The following RBCK1 variants were observed in gnomAD, a reference collection of about 807,000 sequenced individuals.
RBCK1 encodes ranBP-type and C3HC4-type zinc finger-containing protein 1.
RBCK1 carries 44 observed loss-of-function variants against 71.1 expected under a neutral mutation model. The ratio of observed to expected loss-of-function variants is 0.62; its 90% CI spans 0.49 to 0.80. RBCK1 has a LOEUF of 0.80. Among genes scored for constraint, RBCK1 ranks in the 30% least tolerant of loss-of-function variants. The probability of loss-of-function intolerance (pLI) is 0.00; values close to 1 mark genes in which losing one functional copy is unlikely to be tolerated. For synonymous variants in RBCK1, 306 were observed against 279.7 expected (o/e 1.09, Z -0.94); for missense variants, 569 against 685.0 (o/e 0.83, Z 1.89).
At position 430,227 on chromosome 20, in the gene RBCK1, G is replaced by T; in HGVS notation, c.1453-123G>T. The T allele has an allele frequency of 1.2e-6, 1 of 818,644 alleles. No homozygotes were observed. Among genetic ancestry groups the T allele is most frequent in the South Asian group, 1.6e-5 (1 of 63,118 alleles). 50.7% of individuals were successfully genotyped at this position (818,644 alleles called of 1,614,324 possible). A position where few individuals can be genotyped will look rare whatever the true frequency, so the allele number is the denominator to read the frequency against. On this transcript the variant is annotated intron_variant, in intron 11 of 11. Transcript: ENST00000356286. This position sits in a 1 kb window ranked among gnomAD's most constrained non-coding sequence, Gnocchi z 5.6. The stretch of plus-strand genomic sequence containing the variant: ...AGTGACTCTCCATCAGGTAGCTGAG[G>T]CTGACCAGGCCATTCTTGCAGGAGG...
In RBCK1 at chr20:415,193, T is replaced by C. The variant is rs138806187; in HGVS notation, c.168-2333T>C. 3.2e-3 allele frequency among the ~76,000 whole-genome samples: 480 copies of C among 152,116 alleles called. 1 individual carries two copies. The highest frequency in any genetic ancestry group is 0.024 in the Middle Eastern group (7 of 294). ...GAGTTCAAAACCAGCCTGGGCAACA[T>C]AGTGAAACCTTGTCTCTACAAAACA... On this transcript the variant is annotated intron_variant, in intron 2 of 11. Transcript: ENST00000356286.
intron 8 of RBCK1, among the ~76,000 whole-genome samples, chr20:423,097 C>A (rs183756924): frequency 5.9e-5 from 9 of 152,246 alleles, no homozygotes; most frequent in African/African-American, 2.2e-4. Context: ...GTCGGGAATT[C>A]GAGATCAGCC....
chr20:430,348 AG>A lies in RBCK1; in HGVS notation c.1454del. On this transcript the variant is annotated splice_acceptor_variant, in intron 11 of 11. Transcript: ENST00000356286. LOFTEE classifies it high-confidence loss of function. The surrounding 1 kb of genome is among the most constrained non-coding windows in gnomAD (Gnocchi z 5.6). ...TTCTCTTCTCTTCCTCCCATCCTCTAGGGCCCAGGAGACACCAGCGGGGGCT... is the reference window on the plus strand; with the variant it reads ...TTCTCTTCTCTTCCTCCCATCCTCTAGGCCCAGGAGACACCAGCGGGGGCT... 1.2e-6 allele frequency: 2 copies of A among 1,606,004 alleles called. No individual in the cohort carries two copies. The highest frequency in any genetic ancestry group is 1.7e-6 in the Non-Finnish European group (2 of 1,172,770).
chr20:419,399 C>G lies in RBCK1; in HGVS notation c.513C>G (p.Gly171=), dbSNP rs777854248. ...AGCCGCGGGGCCCTCTGGAGCCAGGCCCCCCAAAGCCCGGGGTCCCCCAGG... is the reference window on the plus strand; with the variant it reads ...AGCCGCGGGGCCCTCTGGAGCCAGGGCCCCCAAAGCCCGGGGTCCCCCAGG... ...TLQPRGPLEP[G]PPKPGVPQEP... is the part of the protein sequence containing the mutation. The change falls in exon 5 of 12, where the codon GGC becomes GGG. Residue 171 remains glycine (G), a synonymous_variant. Coordinates refer to ENST00000356286, the MANE Select transcript of RBCK1 (RefSeq NM_031229.4). 1.9e-5 allele frequency: 30 copies of G among 1,611,544 alleles called. No homozygotes were observed. Among genetic ancestry groups the G allele is most frequent in the Middle Eastern group, 1.7e-4 (1 of 5,898 alleles).
At chr20:415,950 C>T (rs1422937125) in intron 2 of RBCK1, among the ~76,000 whole-genome samples, 2 of 152,170 alleles carry the variant, frequency 1.3e-5, no homozygotes, top group African/African-American at 4.8e-5. Context: ...GAAGTCACTA[C>T]AGTGAGCGCA....
chr20:411,410 C>A (rs913863706), intron 2 of RBCK1, among the ~76,000 whole-genome samples: 1 of 152,032 alleles, frequency 6.6e-6, no homozygotes, highest in Non-Finnish European at 1.5e-5. Context: ...CTCTGTCCCC[C>A]AGGCTGGAGT....
At chr20:421,229 G>C (rs1378319974) in intron 7 of RBCK1, among the ~76,000 whole-genome samples, 198 bp downstream of exon 7, 5 of 152,174 alleles carry the variant, frequency 3.3e-5, no homozygotes, top group African/African-American at 9.6e-5. Context: ...CCAGGCCCAC[G>C]GCTCATGAGA....
chr20:430,484 G>A lies in RBCK1; in HGVS notation c.*54G>A, dbSNP rs140794028. 1,039 of 1,535,012 alleles carry A rather than the reference G, an allele frequency of 6.8e-4. 3 individuals carry two copies. The highest frequency in any genetic ancestry group is 8.5e-4 in the Non-Finnish European group (947 of 1,108,846). ...CCAGCCCCACATCCACATTCTGTTA[G>A]AATGTAGCTCAGGGAGCTTCGTGGA... On this transcript the variant is annotated 3_prime_UTR_variant, in exon 12 of 12. Coordinates refer to ENST00000356286, the MANE Select transcript of RBCK1 (RefSeq NM_031229.4). This position sits in a 1 kb window ranked among gnomAD's most constrained non-coding sequence, Gnocchi z 5.6.
At chr20:427,274 T>C (rs1370231259) in intron 8 of RBCK1, 39 bp from the exon 9 acceptor site, 1 of 1,604,932 alleles carries the variant, frequency 6.2e-7, no homozygotes, top group Admixed American at 1.7e-5. Flanking sequence ...ATGTCAGGTG[T>C]TCTGAATCCT....
Position 430,374 on chromosome 20 carries a change from T to TGCC in RBCK1, c.1480_1482dup (p.Arg494dup), listed in dbSNP as rs1295060487. 1 of 1,613,054 alleles carries TGCC rather than the reference T, an allele frequency of 6.2e-7. No homozygotes were observed. The highest frequency in any genetic ancestry group is 1.7e-5 in the Admixed American group (1 of 60,034). ...GGGCCCAGGAGACACCAGCGGGGGCTGCCGCTGCAGGGTAAATGGGATTCC... is the reference window on the plus strand; with the variant it reads ...GGGCCCAGGAGACACCAGCGGGGGCTGCCGCCGCTGCAGGGTAAATGGGATTCC... On this transcript the variant is annotated inframe_insertion, in exon 12 of 12. Transcript: ENST00000356286. The surrounding 1 kb of genome is among the most constrained non-coding windows in gnomAD (Gnocchi z 5.6).
Position 429,104 on chromosome 20 carries a change from T to C in RBCK1, c.1452+10T>C, listed in dbSNP as rs1262609549. ...ACGCTGGGGCCCTGGGGTGAGTCTTTGCTCGTGGTGGTGTGGAGAGGGTGC... is the reference window on the plus strand; with the variant it reads ...ACGCTGGGGCCCTGGGGTGAGTCTTCGCTCGTGGTGGTGTGGAGAGGGTGC... On this transcript the variant is annotated intron_variant, in intron 11 of 11. Coordinates refer to ENST00000356286, the MANE Select transcript of RBCK1 (RefSeq NM_031229.4). 1.2e-6 allele frequency: 2 copies of C among 1,607,210 alleles called. No homozygotes were observed. Among genetic ancestry groups the C allele is most frequent in the South Asian group, 2.2e-5 (2 of 90,462 alleles).
intron 4 of RBCK1, 98 bp from the exon 5 acceptor site, chr20:419,248 AG>A: frequency 6.6e-7 from 1 of 1,507,324 alleles, no homozygotes; most frequent in Non-Finnish European, 9.0e-7. Flanking sequence ...GGGAGAGGAT[AG>A]GGGGAGGGTC....
In RBCK1 at chr20:422,036, C is replaced by A; in HGVS notation, c.918-91C>A. The A allele has an allele frequency of 1.1e-6, 1 of 952,054 alleles. No individual in the cohort carries two copies. Among genetic ancestry groups the A allele is most frequent in the Non-Finnish European group, 1.6e-6 (1 of 615,598 alleles). The allele number at this position is 952,054 out of a possible 1,614,324, so 59.0% of individuals were successfully genotyped here. On this transcript the variant is annotated intron_variant, in intron 7 of 11. Coordinates refer to ENST00000356286, the MANE Select transcript of RBCK1 (RefSeq NM_031229.4). The surrounding 1 kb of genome is among the most constrained non-coding windows in gnomAD (Gnocchi z 5.0). ...GTCCACCTGGGGTGACTGAGTGAGG[C>A]CCCTGGGGTCAGGCCTTGCCATGTG...
intron 6 of RBCK1, chr20:420,500 G>A: frequency 3.0e-6 from 3 of 983,914 alleles, no homozygotes; most frequent in Non-Finnish European, 3.6e-6. Context: ...GCCCTGCCCT[G>A]CTACCTGACT....
intron 2 of RBCK1, among the ~76,000 whole-genome samples, chr20:416,524 T>G (rs1226032848): frequency 6.6e-6 from 1 of 152,168 alleles, no homozygotes; most frequent in African/African-American, 2.4e-5. Context: ...TTTTCCCAAA[T>G]CTCTCTGAAG....
chr20:415,552 A>C (rs1057282708), intron 2 of RBCK1, among the ~76,000 whole-genome samples: 1 of 151,896 alleles, frequency 6.6e-6, no homozygotes, highest in African/African-American at 2.4e-5. Flanking sequence ...ATTTCTTACT[A>C]TGTCTTAAGT....
At chr20:411,777 C>G (rs1192706517) in intron 2 of RBCK1, among the ~76,000 whole-genome samples, 1 of 152,220 alleles carries the variant, frequency 6.6e-6, no homozygotes, top group Non-Finnish European at 1.5e-5. Flanking sequence ...TCTCAAAGTG[C>G]TGGGATTACA....
At chr20:425,050 A>G (rs1418787183) in intron 8 of RBCK1, among the ~76,000 whole-genome samples, 2 of 151,360 alleles carry the variant, frequency 1.3e-5, no homozygotes, top group African/African-American at 4.9e-5. Flanking sequence ...TCACTCTGTC[A>G]TCCAGGCTGG....
Position 417,580 on chromosome 20 carries a change from A to T in RBCK1, c.222A>T (p.Thr74=), listed in dbSNP as rs1187010151. ...TGCACACCGTCACCATCTGGCTCAC[A>T]GTGCGCCCTGATATGACAGTGGCGT... ...AQMHTVTIWL[T]VRPDMTVASL... Residue 74 remains threonine, a synonymous_variant, in exon 3 of 12, where the codon ACA becomes ACT. Coordinates refer to ENST00000356286, the MANE Select transcript of RBCK1 (RefSeq NM_031229.4). The surrounding 1 kb of genome is among the most constrained non-coding windows in gnomAD (Gnocchi z 4.7). The T allele has an allele frequency of 6.2e-7, 1 of 1,614,044 alleles. No individual in the cohort carries two copies.
Sources: allele counts gnomAD v4.1 joint callset (sites outside exome capture counted in the v4.1 genomes callset), GRCh38; gene constraint gnomAD v4.1.1; non-coding constraint Gnocchi (gnomAD v3.1); transcripts MANE v1.5; gene names NCBI Gene and HGNC (gene_info 2026-07-23, HGNC 2026-07-21).